Variants in USH2A observed in about 807,000 individuals in gnomAD.
USH2A encodes Usher syndrome 2A (autosomal recessive, mild).
In USH2A, 443 loss-of-function variants were observed where a neutral mutation model predicts 538.9. The ratio of observed to expected loss-of-function variants is 0.82; its 90% confidence interval spans 0.76 to 0.89. The LOEUF is 0.89. Among genes scored for constraint, USH2A ranks in the 40% least tolerant of loss-of-function variants. USH2A has a pLI of 0.00. For synonymous variants in USH2A, 2,413 were observed against 2,273.5 expected, an observed-to-expected ratio of 1.06 and a Z score of -1.75; for missense variants, 6,633 against 6,324.8, an observed-to-expected ratio of 1.05 and a Z score of -1.65.
intron 30 of USH2A, 85 bp downstream of exon 30, chr1:216,070,015 TA>T (rs1356189515): frequency 1.1e-5 from 16 of 1,482,700 alleles, no homozygotes; most frequent in African/African-American, 2.8e-5. Flanking sequence ...TACATTTTTC[TA>T]AAAAACATTT....
chr1:216,159,285 A>C (rs887624373), intron 21 of USH2A, among the ~76,000 whole-genome samples: 1 of 152,088 alleles, frequency 6.6e-6, no homozygotes, highest in East Asian at 1.9e-4. Flanking sequence ...CTCTGGGAAA[A>C]AGCACTTGAT....
intron 48 of USH2A, among the ~76,000 whole-genome samples, chr1:215,816,701 G>A (rs1385266736): frequency 6.6e-6 from 1 of 152,040 alleles, no homozygotes; most frequent in Non-Finnish European, 1.5e-5. Context: ...ACACCTATTT[G>A]TAGCTGAAAA....
At chr1:215,958,137 T>A (rs1211235410) in intron 37 of USH2A, among the ~76,000 whole-genome samples, 3 of 151,188 alleles carry the variant, frequency 2.0e-5, no homozygotes, top group Non-Finnish European at 4.4e-5. Flanking sequence ...TTCTGTATAT[T>A]TTTTTTCCAT....
chr1:215,962,053 TAAGAA>T (rs1464327906), intron 37 of USH2A, among the ~76,000 whole-genome samples: 1 of 152,004 alleles, frequency 6.6e-6, no homozygotes, highest in Non-Finnish European at 1.5e-5. Flanking sequence ...TTTTTAAACT[TAAGAA>T]AATATGTTCA....
Position 215,844,170 on chromosome 1 carries a change from TTTTCCCTTCCCCACCAAAGAAA to T in USH2A, c.9258+102_9258+123del, listed in dbSNP as rs545169932. 545 of 1,038,698 alleles carry T rather than the reference TTTTCCCTTCCCCACCAAAGAAA, an allele frequency of 5.2e-4. 6 individuals are homozygous for T. In the South Asian group the frequency reaches 6.0e-3, roughly 11 times the overall value. 64.3% of individuals were successfully genotyped at this position (1,038,698 alleles called of 1,614,324 possible). On this transcript the variant is annotated intron_variant, in intron 46 of 71. Transcript: ENST00000307340. ...AATTCTGATCAATTTCCCTTCTCTC[TTTTCCCTTCCCCACCAAAGAAA>T]TAATCTGTAACCAAGACAGAAGATA...
intron 4 of USH2A, among the ~76,000 whole-genome samples, chr1:216,336,143 T>A (rs537125158): frequency 6.6e-6 from 1 of 151,364 alleles, no homozygotes; most frequent in Non-Finnish European, 1.5e-5. Context: ...ATACACAAAC[T>A]TGGAAAAATA....
At chr1:216,328,161 G>A (rs1485231721) in intron 4 of USH2A, among the ~76,000 whole-genome samples, 3 of 151,990 alleles carry the variant, frequency 2.0e-5, no homozygotes, top group African/African-American at 4.8e-5. Flanking sequence ...CTCCAAATGA[G>A]GACTCATCGA....
At chr1:216,052,696 C>T (rs1172733972) in intron 30 of USH2A, among the ~76,000 whole-genome samples, 2 of 152,140 alleles carry the variant, frequency 1.3e-5, no homozygotes, top group African/African-American at 4.8e-5. Flanking sequence ...GGGCAAGGGG[C>T]TGGTCAAATA....
At chr1:216,128,201 G>T (rs905906959) in intron 21 of USH2A, among the ~76,000 whole-genome samples, 97 of 152,190 alleles carry the variant, frequency 6.4e-4, no homozygotes, top group African/African-American at 2.3e-3. Flanking sequence ...AAAGTTGATT[G>T]AAAATTTATG....
chr1:215,785,671 T>C (rs945116385), intron 52 of USH2A, among the ~76,000 whole-genome samples: 6 of 152,136 alleles, frequency 3.9e-5, no homozygotes, highest in African/African-American at 1.4e-4. Context: ...AAAATTAAAG[T>C]ACCTAGTATA....
At chr1:215,934,285 G>A (rs2102499226) in intron 38 of USH2A, among the ~76,000 whole-genome samples, 1 of 152,102 alleles carries the variant, frequency 6.6e-6, no homozygotes, top group African/African-American at 2.4e-5. Context: ...TTGGCTTTAA[G>A]TAACGCCTTG....
chr1:216,162,708 G>A (rs566004237), intron 21 of USH2A, among the ~76,000 whole-genome samples: 4 of 152,110 alleles, frequency 2.6e-5, no homozygotes, highest in South Asian at 4.1e-4. Flanking sequence ...CATAAAGGAC[G>A]GACTTTTGGA....
intron 21 of USH2A, among the ~76,000 whole-genome samples, chr1:216,114,340 T>C (rs910983229): frequency 4.6e-5 from 7 of 152,130 alleles, no homozygotes; most frequent in African/African-American, 1.7e-4. Context: ...ATAATTCTTT[T>C]TTCTGTCATT....
intron 37 of USH2A, among the ~76,000 whole-genome samples, chr1:215,944,694 C>A (rs1666716312): frequency 6.6e-6 from 1 of 151,936 alleles, no homozygotes; most frequent in African/African-American, 2.4e-5. Context: ...ATTCTAAAGG[C>A]TTAATAAGAG....
intron 55 of USH2A, among the ~76,000 whole-genome samples, chr1:215,772,894 A>G (rs1661332597): frequency 6.6e-6 from 1 of 152,188 alleles, no homozygotes; most frequent in African/African-American, 2.4e-5. Flanking sequence ...GTTACGTTAA[A>G]AAGTTTTTGT....
Position 215,623,452 on chromosome 1 carries a change from A to AC in USH2A, c.*2328dup, listed in dbSNP as rs1213476223. On this transcript the variant is annotated 3_prime_UTR_variant, in exon 72 of 72. Coordinates refer to ENST00000307340, the MANE Select transcript of USH2A (RefSeq NM_206933.4). Reference sequence around the variant, plus strand: ...AAAAGTACTGATGCCTCAGCCACACACCCCAGATCAACCGAATCAGAATCT... The same window carrying AC: ...AAAAGTACTGATGCCTCAGCCACACACCCCCAGATCAACCGAATCAGAATCT... The AC allele has an allele frequency of 1.3e-5, 2 of 151,202 alleles. No homozygotes were observed. Among genetic ancestry groups the AC allele is most frequent in the African/African-American group, 2.4e-5 (1 of 41,376 alleles). 9.4% of individuals were successfully genotyped at this position (151,202 alleles called of 1,614,324 possible).
At chr1:215,895,573 T>C (rs1665316557) in intron 40 of USH2A, among the ~76,000 whole-genome samples, 1 of 152,184 alleles carries the variant, frequency 6.6e-6, no homozygotes. Flanking sequence ...CCTTTGTAAA[T>C]TACTGTGAGT....
At chr1:215,836,835 C>T (rs1037936631) in intron 47 of USH2A, among the ~76,000 whole-genome samples, 1 of 150,874 alleles carries the variant, frequency 6.6e-6, no homozygotes, top group Non-Finnish European at 1.5e-5. Flanking sequence ...GGATTACAGG[C>T]GTGAGCCACC....
intron 61 of USH2A, among the ~76,000 whole-genome samples, chr1:215,689,235 A>G (rs938573326): frequency 1.3e-5 from 2 of 152,232 alleles, no homozygotes; most frequent in African/African-American, 2.4e-5. Context: ...AGACTGAATT[A>G]GGAATACACA....
Sources: gnomAD v4.1 joint callset for allele counts (sites outside exome capture counted in the v4.1 genomes callset) on GRCh38, gnomAD v4.1.1 for gene constraint, MANE v1.5 for transcripts, NCBI Gene and HGNC (gene_info 2026-07-23, HGNC 2026-07-21) for gene names.